TRPM1: variants seen among roughly 807,000 people sequenced by gnomAD.
TRPM1 encodes the protein TRPM1-203 APA Isoform, Intron 10.
In TRPM1, 113 loss-of-function variants were observed where a neutral mutation model predicts 149.4. The observed-to-expected ratio is 0.76, with a 90% CI of 0.65 to 0.88. TRPM1 has a LOEUF of 0.88. Among genes scored for constraint, TRPM1 ranks in the 40% least tolerant of loss-of-function variants. TRPM1 has a pLI of 0.00. For missense variants in TRPM1, 1,976 were observed against 2,038.7 expected, an observed-to-expected ratio of 0.97 and a Z score of 0.59; for synonymous variants, 741 against 759.5, an observed-to-expected ratio of 0.98 and a Z score of 0.40.
intron 10 of TRPM1, 100 bp downstream of exon 10, chr15:31,061,342 T>G: frequency 8.3e-7 from 1 of 1,207,308 alleles, no homozygotes. Flanking sequence ...TGGCTCAGGG[T>G]CTAGCACCAG....
chr15:31,038,387 C>A (rs947478394), intron 18 of TRPM1, among the ~76,000 whole-genome samples: 4 of 152,148 alleles, frequency 2.6e-5, no homozygotes, highest in African/African-American at 9.7e-5. Flanking sequence ...AGATGAATGG[C>A]AAACAGCACT....
chr15:31,002,586 C>G lies in TRPM1; in HGVS notation c.4114G>C (p.Glu1372Gln). The change falls in exon 28 of 28, where the codon GAA (glutamate) becomes CAA (glutamine). Residue 1372 changes from glutamate to glutamine, a missense_variant. This residue lies in a region of TRPM1 where 572 missense variants were observed against 578.9 expected (regional missense o/e 0.99). Transcript: ENST00000256552. ...ATATCTGGACCTAATTTTGACTCTT[C>G]AGCGTTCTTTAAGTCATCTACTGCA... ...HLAVDDLKNA[E>Q]ESKLGPDIGI... 6.2e-7 allele frequency: 1 copy of G among 1,614,138 alleles called. No individual in the cohort carries two copies. The highest frequency in any genetic ancestry group is 8.5e-7 in the Non-Finnish European group (1 of 1,180,028).
rs762586941 is a variant in TRPM1 at position 31,067,090 on chromosome 15, C to A, written c.591G>T (p.Glu197Asp). The A allele has an allele frequency of 6.2e-7, 1 of 1,614,168 alleles. No homozygotes were observed. The highest frequency in any genetic ancestry group is 1.1e-5 in the South Asian group (1 of 91,054). Reference sequence around the variant, plus strand: ...CCTTTCCAACCAGGTCTTCCTTATTCTCCACGATGCCCCATGGAGCAATTC... The same window carrying A: ...CCTTTCCAACCAGGTCTTCCTTATTATCCACGATGCCCCATGGAGCAATTC... Reference protein sequence around the residue: ...AIGIAPWGIVENKEDLVGKDV... With the variant: ...AIGIAPWGIVDNKEDLVGKDV... The change falls in exon 6 of 28, where the codon GAG becomes GAT. Residue 197 changes from glutamate (E) to aspartate (D), a missense_variant. Around this residue, in one of 3 missense-constraint regions of TRPM1, gnomAD observed 1,332 missense variants for 1,347.1 expected, o/e 0.99. Transcript: ENST00000256552.
intron 2 of TRPM1, among the ~76,000 whole-genome samples, chr15:31,080,586 A>G (rs1173548115): frequency 2.6e-5 from 4 of 151,950 alleles, no homozygotes. Context: ...GCTGGACACA[A>G]GATCTGGCAC....
chr15:31,060,669 AT>A, intron 10 of TRPM1, 25 bp from the exon 11 acceptor site: 1 of 1,601,370 alleles, frequency 6.2e-7, no homozygotes, highest in Non-Finnish European at 8.6e-7. Flanking sequence ...AACCGGAATG[AT>A]TTTTCACTCC....
In TRPM1 at chr15:31,002,900, GC is replaced by G; in HGVS notation, c.3799del (p.Ala1267HisfsTer62). ...AGIDRSDLIQ[A>X]RSRASSECEA... ...ACATTCAGAAGAAGCCCGGGACCGT[GC>G]CTGGATCAGGTCAGACCTGTCGATT... On this transcript the variant is annotated frameshift_variant, in exon 28 of 28. Coordinates refer to ENST00000256552, the MANE Select transcript of TRPM1 (RefSeq NM_001252024.2). LOFTEE classifies it low-confidence loss of function (END_TRUNC). 1 of 1,613,808 alleles carries G rather than the reference GC, an allele frequency of 6.2e-7. No homozygotes were observed. Among genetic ancestry groups the G allele is most frequent in the East Asian group, 2.2e-5 (1 of 44,878 alleles).
At chr15:31,027,522 AT>A (rs1191656544) in intron 25 of TRPM1, among the ~76,000 whole-genome samples, 1 of 152,278 alleles carries the variant, frequency 6.6e-6, no homozygotes, top group South Asian at 2.1e-4. Context: ...TATTGAACTT[AT>A]TTGATTGAAG....
intron 23 of TRPM1, among the ~76,000 whole-genome samples, chr15:31,030,727 T>G (rs1365414834): frequency 6.6e-6 from 1 of 152,238 alleles, no homozygotes; most frequent in Admixed American, 6.5e-5. Flanking sequence ...TAGAACTGCA[T>G]TCATGTGACA....
chr15:31,004,255 C>G (rs577239459), intron 27 of TRPM1, among the ~76,000 whole-genome samples: 1 of 152,166 alleles, frequency 6.6e-6, no homozygotes, highest in Admixed American at 6.5e-5. Context: ...TGTCCTCACT[C>G]GTACTGCTGG....
chr15:31,090,540 G>A (rs945061226), intron 1 of TRPM1, among the ~76,000 whole-genome samples: 3 of 152,106 alleles, frequency 2.0e-5, no homozygotes, highest in Non-Finnish European at 4.4e-5. Context: ...GGGAGGCTGA[G>A]GCAGGAGAAT....
At chr15:31,058,602 G>A (rs139924307) in intron 11 of TRPM1, among the ~76,000 whole-genome samples, 66 of 152,350 alleles carry the variant, frequency 4.3e-4, no homozygotes, top group African/African-American at 1.6e-3. Flanking sequence ...AGAAGGATAT[G>A]TACATGTTCA....
chr15:31,117,194 A>G (rs1479240561), intron 1 of TRPM1, among the ~76,000 whole-genome samples: 1 of 152,122 alleles, frequency 6.6e-6, no homozygotes, highest in Non-Finnish European at 1.5e-5. Context: ...TACTAAAAAT[A>G]CAAAAATTAG....
chr15:31,158,626 C>CAAAAAAAA (rs749062439), intron 1 of TRPM1, among the ~76,000 whole-genome samples: 1 of 59,794 alleles, frequency 1.7e-5, no homozygotes, highest in Non-Finnish European at 3.1e-5. Context: ...GACTCCATCT[C>CAAAAAAAA]AAAAAAAAAA....
intron 1 of TRPM1, among the ~76,000 whole-genome samples, chr15:31,119,481 G>A (rs8030381): frequency 0.41 from 62,769 of 151,880 alleles, 13,809 homozygotes; most frequent in East Asian, 0.73. Context: ...TTTGTCACCA[G>A]TACATCTACT....
intron 4 of TRPM1, 180 bp downstream of exon 4, chr15:31,069,851 T>C (rs2034481952): frequency 6.4e-7 from 1 of 1,562,994 alleles, no homozygotes. Context: ...GTGTCCAGTT[T>C]CCAAGCCTCA....
chr15:31,108,769 T>C (rs2035643336), intron 1 of TRPM1, among the ~76,000 whole-genome samples: 1 of 152,258 alleles, frequency 6.6e-6, no homozygotes, highest in African/African-American at 2.4e-5. Flanking sequence ...ACTGGGATTA[T>C]AGGCATGAGC....
chr15:31,111,480 T>C (rs945217189), intron 1 of TRPM1, among the ~76,000 whole-genome samples: 1 of 152,236 alleles, frequency 6.6e-6, no homozygotes, highest in Non-Finnish European at 1.5e-5. Context: ...TCCTTCAAGA[T>C]GTCTGTGTTC....
chr15:31,113,190 A>C lies in TRPM1; in HGVS notation c.55-36206T>G, dbSNP rs187496047. On this transcript the variant is annotated intron_variant, in intron 1 of 26. Coordinates refer to the TRPM1 transcript ENST00000542188. ...AAACTCACCACGGCCCACCTTCTCCAGCTGGTGAATGGTAACTCACAGGAG... is the reference window on the plus strand; with the variant it reads ...AAACTCACCACGGCCCACCTTCTCCCGCTGGTGAATGGTAACTCACAGGAG... Among the ~76,000 whole-genome samples the C allele has an allele frequency of 3.9e-4, 59 of 152,296 alleles. No individual in the cohort carries two copies. In the East Asian group the frequency reaches 8.3e-3, roughly 21 times the overall value.
chr15:31,157,691 G>C (rs1361736056), intron 1 of TRPM1, among the ~76,000 whole-genome samples: 1 of 152,156 alleles, frequency 6.6e-6, no homozygotes, highest in Admixed American at 6.5e-5. Context: ...AGGGTCCCCA[G>C]TGTCCCCAGG....
Sources: allele counts gnomAD v4.1 joint callset (sites outside exome capture counted in the v4.1 genomes callset), GRCh38; gene constraint gnomAD v4.1.1; regional missense constraint gnomAD v4.1.1; transcripts MANE v1.5; gene names NCBI Gene and HGNC (gene_info 2026-07-23, HGNC 2026-07-21).